The following RSRC1 variants were observed in gnomAD, a reference collection of about 807,000 sequenced individuals.
RSRC1 encodes the protein arginine and serine rich coiled-coil 1.
RSRC1 carries 39 observed loss-of-function variants against 49.1 expected under a neutral mutation model. That is an observed-to-expected ratio of 0.79 (90% CI 0.61 to 1.04). The LOEUF (loss-of-function observed/expected upper bound fraction) is 1.04, where lower values mean the gene tolerates loss of function less well. Ranked by LOEUF, RSRC1 falls within the 50% of genes least tolerant of loss-of-function variation. RSRC1 has a pLI of 0.00. For synonymous variants in RSRC1, 143 were observed against 130.8 expected, an observed-to-expected ratio of 1.09 and a Z score of -0.63; for missense variants, 388 against 402.4, an observed-to-expected ratio of 0.96 and a Z score of 0.31.
chr3:158,349,466 T>G (rs1476626778), intron 5 of RSRC1, among the ~76,000 whole-genome samples: 1 of 152,066 alleles, frequency 6.6e-6, no homozygotes, highest in Non-Finnish European at 1.5e-5. Flanking sequence ...ACAAATGGAG[T>G]TAAGTAGTCC....
At chr3:158,348,158 T>G (rs555741153) in intron 5 of RSRC1, among the ~76,000 whole-genome samples, 40 of 152,348 alleles carry the variant, frequency 2.6e-4, no homozygotes, top group African/African-American at 9.6e-4. Context: ...TTTCTACTTT[T>G]CTCTCTTTAA....
At chr3:158,394,531 C>G (rs980094376) in intron 6 of RSRC1, among the ~76,000 whole-genome samples, 2 of 152,042 alleles carry the variant, frequency 1.3e-5, no homozygotes, top group Non-Finnish European at 1.5e-5. Flanking sequence ...ATCAGCATTT[C>G]TATACACTAA....
intron 3 of RSRC1, among the ~76,000 whole-genome samples, chr3:158,145,023 G>A (rs1186937802): frequency 6.6e-6 from 1 of 152,078 alleles, no homozygotes; most frequent in Non-Finnish European, 1.5e-5. Context: ...TGTAGATTCT[G>A]GATATTAGCC....
chr3:158,310,950 A>T (rs752535588), intron 5 of RSRC1, among the ~76,000 whole-genome samples: 3 of 151,794 alleles, frequency 2.0e-5, no homozygotes, highest in Non-Finnish European at 4.4e-5. Context: ...CAATTTATAA[A>T]ATGTTTATAC....
chr3:158,123,150 G>A (rs753980409), intron 2 of RSRC1, among the ~76,000 whole-genome samples: 2 of 152,122 alleles, frequency 1.3e-5, no homozygotes, highest in African/African-American at 2.4e-5. Context: ...CGGGATTCCA[G>A]GCATGCACCA....
At chr3:158,340,936 T>C (rs973747006) in intron 5 of RSRC1, among the ~76,000 whole-genome samples, 33 of 152,144 alleles carry the variant, frequency 2.2e-4, no homozygotes, top group African/African-American at 8.0e-4. Context: ...GAGGAACTTG[T>C]TGGGAACTGG....
chr3:158,354,608 A>T (rs1430773736), intron 5 of RSRC1, among the ~76,000 whole-genome samples: 1 of 152,194 alleles, frequency 6.6e-6, no homozygotes, highest in Non-Finnish European at 1.5e-5. Flanking sequence ...TCAGTTAATT[A>T]TGTTATTGCT....
chr3:158,266,544 G>T, intron 4 of RSRC1, among the ~76,000 whole-genome samples: 1 of 151,284 alleles, frequency 6.6e-6, no homozygotes, highest in African/African-American at 2.4e-5. Context: ...GCGGTTGTTG[G>T]GTGTAGTTTA....
chr3:158,485,059 T>G (rs1395142027), intron 7 of RSRC1, among the ~76,000 whole-genome samples: 1 of 152,086 alleles, frequency 6.6e-6, no homozygotes, highest in African/African-American at 2.4e-5. Context: ...TCATTTTTCA[T>G]TATGGTTCCT....
intron 4 of RSRC1, among the ~76,000 whole-genome samples, chr3:158,233,766 C>A (rs1405190795): frequency 4.6e-5 from 7 of 152,088 alleles, no homozygotes; most frequent in African/African-American, 1.7e-4. Flanking sequence ...CATAATTCCC[C>A]AACATCACCA....
chr3:158,318,689 T>C (rs1728599516), intron 5 of RSRC1, among the ~76,000 whole-genome samples: 1 of 152,180 alleles, frequency 6.6e-6, no homozygotes, highest in Non-Finnish European at 1.5e-5. Flanking sequence ...GTAAAGTATT[T>C]CCCTATTTGT....
intron 6 of RSRC1, among the ~76,000 whole-genome samples, chr3:158,397,721 A>G (rs764129716): frequency 9.2e-5 from 14 of 152,112 alleles, no homozygotes; most frequent in Non-Finnish European, 1.9e-4. Flanking sequence ...CTCAAATTCA[A>G]TAAGCTTTTT....
intron 6 of RSRC1, among the ~76,000 whole-genome samples, chr3:158,389,626 T>G (rs1244374629): frequency 6.6e-6 from 1 of 152,222 alleles, no homozygotes; most frequent in African/African-American, 2.4e-5. Context: ...AAAAATATAA[T>G]ACTCTTTCAA....
chr3:158,225,792 C>A, intron 4 of RSRC1: 2 of 391,636 alleles, frequency 5.1e-6, no homozygotes, highest in Non-Finnish European at 1.0e-5. Context: ...ACATTAATTA[C>A]CTTTAAAATA....
intron 5 of RSRC1, among the ~76,000 whole-genome samples, chr3:158,330,134 C>A (rs1234780145): frequency 1.3e-5 from 2 of 152,242 alleles, no homozygotes; most frequent in East Asian, 3.9e-4. Flanking sequence ...CCATCTGTCA[C>A]CCCTTCCCTT....
chr3:158,375,745 CT>C (rs1414139621), intron 6 of RSRC1, among the ~76,000 whole-genome samples: 1 of 152,024 alleles, frequency 6.6e-6, no homozygotes, highest in Non-Finnish European at 1.5e-5. Context: ...TGTGTTCATT[CT>C]TTTAAATTTT....
At chr3:158,277,144 T>C (rs1007999848) in intron 4 of RSRC1, among the ~76,000 whole-genome samples, 4 of 152,186 alleles carry the variant, frequency 2.6e-5, no homozygotes, top group Non-Finnish European at 5.9e-5. Context: ...ATAATAATTA[T>C]TGAGCACAAC....
intron 6 of RSRC1, among the ~76,000 whole-genome samples, chr3:158,403,080 T>C (rs899155558): frequency 2.6e-5 from 4 of 151,866 alleles, no homozygotes; most frequent in Non-Finnish European, 5.9e-5. Flanking sequence ...TGAGTCCCAA[T>C]AAGACAGTCC....
At chr3:158,444,055 C>T (rs1478219146) in intron 6 of RSRC1, among the ~76,000 whole-genome samples, 1 of 152,162 alleles carries the variant, frequency 6.6e-6, no homozygotes, top group African/African-American at 2.4e-5. Context: ...TCAAAAATCA[C>T]TGATCACAGG....
Sources: gnomAD v4.1 joint callset for allele counts (sites outside exome capture counted in the v4.1 genomes callset) on GRCh38, gnomAD v4.1.1 for gene constraint, MANE v1.5 for transcripts, NCBI Gene and HGNC (gene_info 2026-07-23, HGNC 2026-07-21) for gene names.